Variants in C2orf76 observed in about 807,000 individuals in gnomAD.
The protein encoded by C2orf76 is chromosome 2 open reading frame 76.
Under a neutral mutation model 16.9 loss-of-function variants are expected in C2orf76, and 23 were observed. The observed-to-expected ratio is 1.36, with a 90% CI of 0.98 to 1.93. The LOEUF (loss-of-function observed/expected upper bound fraction) is 1.93. Ranked by LOEUF, C2orf76 falls within the 30% of genes most tolerant of loss-of-function variation. The pLI is 0.00. For missense variants in C2orf76, 152 were observed against 152.6 expected, an observed-to-expected ratio of 1.00 and a Z score of 0.02; for synonymous variants, 48 against 52.3, an observed-to-expected ratio of 0.92 and a Z score of 0.35.
intron 4 of C2orf76, among the ~76,000 whole-genome samples, chr2:119,315,589 G>A (rs1210747713): frequency 3.3e-5 from 5 of 152,168 alleles, no homozygotes; most frequent in East Asian, 1.9e-4. Flanking sequence ...TTTTAAAACC[G>A]TATCTGTGAA....
chr2:119,349,134 AG>A (rs1476486870), intron 1 of C2orf76, among the ~76,000 whole-genome samples: 1 of 152,234 alleles, frequency 6.6e-6, no homozygotes, highest in Non-Finnish European at 1.5e-5. Context: ...GCTGTCTCTG[AG>A]GGGCAGAAAT....
At chr2:119,365,156 C>T (rs1056815975) in intron 1 of C2orf76, among the ~76,000 whole-genome samples, 1 of 152,168 alleles carries the variant, frequency 6.6e-6, no homozygotes, top group Non-Finnish European at 1.5e-5. Flanking sequence ...TAACTGCATT[C>T]TCAAAGTACC....
chr2:119,306,683 T>C (rs955398881), intron 5 of C2orf76, among the ~76,000 whole-genome samples: 2 of 152,230 alleles, frequency 1.3e-5, no homozygotes, highest in South Asian at 2.1e-4. Context: ...AAAACTACAA[T>C]TGCTGACAAA....
Position 119,350,796 on chromosome 2 carries a change from T to G in C2orf76, c.-12-10825A>C, listed in dbSNP as rs567709833. ...TCCTTAACTTGCCCAGTGGTTCCCCTTCCCAAGCTGGCTGGTCTCCCCAGG... is the reference window on the plus strand; with the variant it reads ...TCCTTAACTTGCCCAGTGGTTCCCCGTCCCAAGCTGGCTGGTCTCCCCAGG... On this transcript the variant is annotated intron_variant, in intron 1 of 5. Transcript: ENST00000334816. 2.0e-5 allele frequency among the ~76,000 whole-genome samples: 3 copies of G among 152,306 alleles called. No homozygotes were observed. The East Asian group carries it at 5.8e-4, about 29-fold the overall frequency.
intron 4 of C2orf76, among the ~76,000 whole-genome samples, chr2:119,314,013 G>C (rs1394306479): frequency 1.9e-5 from 1 of 53,790 alleles, no homozygotes; most frequent in South Asian, 6.0e-4. Context: ...TTTTCTCAGT[G>C]GTTTTTTTTT....
At chr2:119,323,599 G>A (rs1255860786) in intron 2 of C2orf76, among the ~76,000 whole-genome samples, 2 of 152,060 alleles carry the variant, frequency 1.3e-5, no homozygotes, top group East Asian at 1.9e-4. Context: ...CTGACTCACG[G>A]TAGGCTGGTC....
upstream of C2orf76, chr2:119,366,982 A>G: frequency 6.2e-7 from 1 of 1,605,394 alleles, no homozygotes; most frequent in Non-Finnish European, 8.5e-7. Flanking sequence ...TTGCCAGTGC[A>G]ATCTGGGCGA....
chr2:119,306,834 G>C (rs1678804713), intron 5 of C2orf76, among the ~76,000 whole-genome samples: 1 of 152,110 alleles, frequency 6.6e-6, no homozygotes, highest in African/African-American at 2.4e-5. Context: ...GGGATCTGCA[G>C]TGCAGATAAA....
intron 4 of C2orf76, among the ~76,000 whole-genome samples, chr2:119,312,101 G>A (rs934990239): frequency 6.6e-6 from 1 of 152,156 alleles, no homozygotes; most frequent in Non-Finnish European, 1.5e-5. Flanking sequence ...AGCAGTGCCG[G>A]CCGCAGGGTG....
the C2orf76 span, among the ~76,000 whole-genome samples, chr2:119,286,943 G>A: frequency 6.6e-5 from 10 of 152,128 alleles, no homozygotes; most frequent in South Asian, 1.9e-3. Context: ...CTCCAGCTAT[G>A]GACTAGGAAT....
intron 2 of C2orf76, among the ~76,000 whole-genome samples, chr2:119,330,041 A>G (rs868137627): frequency 6.6e-6 from 1 of 152,104 alleles, no homozygotes; most frequent in Non-Finnish European, 1.5e-5. Flanking sequence ...TATGTCTGAA[A>G]ACATCTTCAT....
chr2:119,301,180 T>C (rs1385432100), downstream of C2orf76, among the ~76,000 whole-genome samples: 1 of 152,138 alleles, frequency 6.6e-6, no homozygotes, highest in African/African-American at 2.4e-5. Context: ...TACTATGTCT[T>C]TCTCCATTCA....
intron 2 of C2orf76, among the ~76,000 whole-genome samples, chr2:119,336,817 C>A (rs1202108466): frequency 2.0e-5 from 3 of 152,116 alleles, no homozygotes; most frequent in Non-Finnish European, 4.4e-5. Context: ...CTCTTTAGCA[C>A]TCAGCACTCA....
In C2orf76 at chr2:119,339,919, C is replaced by G. The variant is rs770693046; in HGVS notation, c.41G>C (p.Arg14Pro). Residue 14 changes from arginine to proline, a missense_variant, in exon 2 of 6, where the codon CGT (arginine) becomes CCT (proline). Arg to Pro is a moderately radical substitution (Grantham distance 103). Coordinates refer to ENST00000334816, the MANE Select transcript of C2orf76 (RefSeq NM_001322331.2). ...TTTGAAATTGCGATGTTCAAAGGAACGGATGAGGCGAACTGTGATGGTCAC... is the reference window on the plus strand; with the variant it reads ...TTTGAAATTGCGATGTTCAAAGGAAGGGATGAGGCGAACTGTGATGGTCAC... ...GEVTITVRLI[R>P]SFEHRNFKPV... is the part of the protein sequence containing the mutation. 1.9e-6 allele frequency: 3 copies of G among 1,612,892 alleles called. No individual in the cohort carries two copies. The South Asian group carries it at 3.3e-5, about 18-fold the overall frequency.
At chr2:119,335,022 G>A (rs1025287271) in intron 2 of C2orf76, among the ~76,000 whole-genome samples, 1 of 152,156 alleles carries the variant, frequency 6.6e-6, no homozygotes, top group African/African-American at 2.4e-5. Context: ...TCTCACTGTT[G>A]GTATGGGAAT....
the C2orf76 span, among the ~76,000 whole-genome samples, chr2:119,282,604 C>A: frequency 6.6e-6 from 1 of 152,286 alleles, no homozygotes; most frequent in South Asian, 2.1e-4. Flanking sequence ...TTAACAAACA[C>A]CTGTAAAGCG....
In C2orf76 at chr2:119,334,911, TCTAA is replaced by T. The variant is rs1413561795; in HGVS notation, c.133+4912_133+4915del. ...GGCGAAAGGACACAAAAGGACTGTA[TCTAA>T]CTGATATCAAGTTGCTTCCCATGGG... On this transcript the variant is annotated intron_variant, in intron 2 of 5. Transcript: ENST00000334816. Among the ~76,000 whole-genome samples, 3 of 152,128 alleles carry T rather than the reference TCTAA, an allele frequency of 2.0e-5. No individual in the cohort carries two copies. In the East Asian group the frequency reaches 5.8e-4, roughly 29 times the overall value.
Position 119,358,597 on chromosome 2 carries a change from A to C in C2orf76, c.-13+8193T>G, listed in dbSNP as rs541167876. Among the ~76,000 whole-genome samples, 167 of 145,224 alleles carry C rather than the reference A, an allele frequency of 1.1e-3. No individual in the cohort carries two copies. The South Asian group carries it at 0.036, about 32-fold the overall frequency. On this transcript the variant is annotated intron_variant, in intron 1 of 5. Transcript: ENST00000334816. ...TGTCTCAAAAAAAAAAAAAAAAAAA[A>C]GGCAAAACAGCCTGTCGCTGATATG...
At chr2:119,340,755 T>C (rs986679868) in intron 1 of C2orf76, among the ~76,000 whole-genome samples, 6 of 140,278 alleles carry the variant, frequency 4.3e-5, no homozygotes, top group East Asian at 2.2e-4. Flanking sequence ...TGCTTTCTAA[T>C]ACACACACAC....
Sources: allele counts gnomAD v4.1 joint callset (sites outside exome capture counted in the v4.1 genomes callset), GRCh38; gene constraint gnomAD v4.1.1; transcripts MANE v1.5; gene names NCBI Gene and HGNC (gene_info 2026-07-23, HGNC 2026-07-21).